The following CACNA1D variants were observed in gnomAD, a reference collection of about 807,000 sequenced individuals.
The protein encoded by CACNA1D is voltage-dependent L-type calcium channel subunit alpha-1D.
CACNA1D carries 55 observed loss-of-function variants against 257.1 expected under a neutral mutation model. The ratio of observed to expected loss-of-function variants is 0.21; its 90% CI spans 0.17 to 0.27. The LOEUF (loss-of-function observed/expected upper bound fraction) is 0.27. CACNA1D is among the 10% of genes least tolerant of loss of function. The probability of loss-of-function intolerance (pLI) is 1.00; values close to 1 mark genes in which losing one functional copy is unlikely to be tolerated. For synonymous variants in CACNA1D, 980 were observed against 1,014.9 expected (o/e 0.97, Z 0.65); for missense variants, 1,876 against 2,784.0 (o/e 0.67, Z 7.34).
At chr3:53,646,538 TAC>T (rs1255347214) in intron 3 of CACNA1D, among the ~76,000 whole-genome samples, 1 of 152,176 alleles carries the variant, frequency 6.6e-6, no homozygotes, top group Non-Finnish European at 1.5e-5. Flanking sequence ...TGTCTGATGC[TAC>T]AGTTAAAGAC....
chr3:53,564,761 G>A (rs1023144215), intron 3 of CACNA1D, among the ~76,000 whole-genome samples: 1 of 152,078 alleles, frequency 6.6e-6, no homozygotes, highest in Non-Finnish European at 1.5e-5. Context: ...CCATTTTATA[G>A]GTAAGGAAAC....
intron 3 of CACNA1D, among the ~76,000 whole-genome samples, chr3:53,540,711 C>T (rs569710709): frequency 1.2e-4 from 19 of 152,176 alleles, no homozygotes; most frequent in African/African-American, 4.3e-4. Flanking sequence ...ATATGCCAGT[C>T]GGCTTCATTC....
chr3:53,685,529 C>A (rs2094466545), intron 8 of CACNA1D, among the ~76,000 whole-genome samples: 1 of 152,112 alleles, frequency 6.6e-6, no homozygotes, highest in Non-Finnish European at 1.5e-5. Flanking sequence ...AATACACATT[C>A]TTTTCAGAGC....
At position 53,811,526 on chromosome 3, in the gene CACNA1D, CTT is replaced by C. The variant is rs147656442; in HGVS notation, c.*123_*124del. On this transcript the variant is annotated 3_prime_UTR_variant, in exon 48 of 48. Transcript: ENST00000350061. This position sits in a 1 kb window ranked among gnomAD's most constrained non-coding sequence, Gnocchi z 4.2. ...TGGGAGTAATATTCAATTAATTAGACTTTTGTATAAGAGATGTCATGCCTCAA... is the reference window on the plus strand; with the variant it reads ...TGGGAGTAATATTCAATTAATTAGACTTGTATAAGAGATGTCATGCCTCAA... The C allele has an allele frequency of 2.2e-3, 1,800 of 810,376 alleles. 28 individuals are homozygous for C. In the African/African-American group the frequency reaches 0.028, roughly 13 times the overall value. The allele number at this position is 810,376 out of a possible 1,614,324, so 50.2% of individuals were successfully genotyped here. A position where few individuals can be genotyped will look rare whatever the true frequency, so the allele number is the denominator to read the frequency against.
intron 3 of CACNA1D, among the ~76,000 whole-genome samples, chr3:53,617,242 C>A (rs2093647389): frequency 6.6e-6 from 1 of 152,214 alleles, no homozygotes; most frequent in Admixed American, 6.5e-5. Context: ...ACTGTGTGCT[C>A]TCCTCTCCAC....
chr3:53,718,352 G>A lies in CACNA1D; in HGVS notation c.1442G>A (p.Gly481Asp). The stretch of plus-strand genomic sequence containing the variant: ...TCTGTGAACACAGAGAACGTCAGCG[G>A]TGAAGGCGAGAACCGAGGCTGCTGT... ...TESVNTENVS[G>D]EGENRGCCGS... Residue 481 changes from glycine to aspartate, a missense_variant, in exon 10 of 48, where the codon GGT becomes GAT. Gly to Asp is a moderately conservative substitution (Grantham distance 94, BLOSUM62 -1). This residue lies in a region of CACNA1D where 257 missense variants were observed against 399.7 expected (regional missense o/e 0.64). Transcript: ENST00000350061. 1 of 1,614,234 alleles carries A rather than the reference G, an allele frequency of 6.2e-7. No individual in the cohort carries two copies. The highest frequency in any genetic ancestry group is 8.5e-7 in the Non-Finnish European group (1 of 1,180,032).
At chr3:53,567,191 A>T (rs1022285760) in intron 3 of CACNA1D, among the ~76,000 whole-genome samples, 2 of 152,202 alleles carry the variant, frequency 1.3e-5, no homozygotes, top group Non-Finnish European at 2.9e-5. Flanking sequence ...TGGTACCCCA[A>T]CTCAGCACAC....
intron 16 of CACNA1D, 37 bp from the exon 17 acceptor site, chr3:53,731,040 T>G: frequency 8.0e-7 from 1 of 1,247,112 alleles, no homozygotes; most frequent in Non-Finnish European, 1.2e-6. Context: ...AGTAACATGG[T>G]TATTTGGTTT....
In CACNA1D at chr3:53,580,403, G is replaced by A. The variant is rs1009461318; in HGVS notation, c.484-70376G>A. 3.3e-5 allele frequency among the ~76,000 whole-genome samples: 5 copies of A among 152,228 alleles called. No homozygotes were observed. In the South Asian group the frequency reaches 8.3e-4, roughly 25 times the overall value. On this transcript the variant is annotated intron_variant, in intron 3 of 47. Coordinates refer to ENST00000350061, the MANE Select transcript of CACNA1D (RefSeq NM_001128840.3). ...TGTGTCTTTTACAATGTTTAGCACA[G>A]CGAATAGAGAAAGTGCCTGGCAGAT...
intron 32 of CACNA1D, 84 bp from the exon 33 acceptor site, chr3:53,772,749 G>A: frequency 1.1e-6 from 1 of 927,070 alleles, no homozygotes; most frequent in Non-Finnish European, 1.8e-6. Context: ...GAAGCATGTG[G>A]CCACTCATGG....
At chr3:53,575,742 G>C (rs2093026540) in intron 3 of CACNA1D, among the ~76,000 whole-genome samples, 2 of 152,142 alleles carry the variant, frequency 1.3e-5, no homozygotes, top group South Asian at 4.1e-4. Flanking sequence ...TTTTCTACTA[G>C]TCGTGTCCGT....
At chr3:53,672,753 TGA>T (rs2094335028) in intron 7 of CACNA1D, among the ~76,000 whole-genome samples, 1 of 141,474 alleles carries the variant, frequency 7.1e-6, no homozygotes, top group Non-Finnish European at 1.5e-5. Flanking sequence ...AAAGCCTTGA[TGA>T]CTCTGTGTGT....
At chr3:53,778,299 G>A (rs1025641923) in intron 37 of CACNA1D, among the ~76,000 whole-genome samples, 5 of 152,064 alleles carry the variant, frequency 3.3e-5, no homozygotes, top group African/African-American at 1.2e-4. Context: ...TAAATTTCCA[G>A]ACCCTTTTAC....
In CACNA1D at chr3:53,801,394, C is replaced by T. The variant is rs555675934; in HGVS notation, c.5377C>T (p.Arg1793Trp). The change falls in exon 42 of 48, where the codon CGG becomes TGG. Residue 1793 changes from arginine (R) to tryptophan (W), a missense_variant. Physicochemically the swap from Arg to Trp is moderately radical, Grantham distance 101. Coordinates refer to ENST00000350061, the MANE Select transcript of CACNA1D (RefSeq NM_001128840.3). ...NGHHSSHKHDREPQRRSSVKR... is the reference protein window; with the variant it reads ...NGHHSSHKHDWEPQRRSSVKR... ...GCATCATTCTTCCCACAAGCATGAC[C>T]GGGAGCCTCAGAGAAGGTCCAGTGT... 20 of 1,614,126 alleles carry T rather than the reference C, an allele frequency of 1.2e-5. No homozygotes were observed. In the South Asian group the frequency reaches 1.4e-4, roughly 12 times the overall value.
chr3:53,780,488 C>G (rs767825423), intron 38 of CACNA1D, among the ~76,000 whole-genome samples: 4 of 152,202 alleles, frequency 2.6e-5, no homozygotes, highest in African/African-American at 9.6e-5. Context: ...AGGGATTTCA[C>G]TGGTCTGAGC....
Position 53,745,741 on chromosome 3 carries a change from C to T in CACNA1D, c.3114+10C>T, listed in dbSNP as rs2095162077. 6.2e-7 allele frequency: 1 copy of T among 1,605,368 alleles called. No homozygotes were observed. Among genetic ancestry groups the T allele is most frequent in the African/African-American group, 1.3e-5 (1 of 74,768 alleles). On this transcript the variant is annotated intron_variant, in intron 24 of 47. Transcript: ENST00000350061. Reference sequence around the variant, plus strand: ...GGTCCAGTTGTTCAAGGTAGAGGAACTGCCTCCAAGCATAAAACTCAGGTG... The same window carrying T: ...GGTCCAGTTGTTCAAGGTAGAGGAATTGCCTCCAAGCATAAAACTCAGGTG...
chr3:53,733,539 T>C (rs765705246), intron 19 of CACNA1D, among the ~76,000 whole-genome samples: 8 of 152,204 alleles, frequency 5.3e-5, no homozygotes, highest in Non-Finnish European at 1.0e-4. Context: ...GATAGTCTAC[T>C]TAAAATAGCA....
rs113265861 is a variant in CACNA1D, at chr3:53,558,706, A to G, written c.483+56986A>G. Among the ~76,000 whole-genome samples the G allele has an allele frequency of 4.0e-3, 607 of 152,202 alleles. 7 individuals are homozygous for G. The highest frequency in any genetic ancestry group is 0.014 in the African/African-American group (585 of 41,540). The stretch of plus-strand genomic sequence containing the variant: ...ATTGTTCCTCTTCTTTCTGACCTCC[A>G]TGGTTTCTTCTGAGAAATCTGTAAT... On this transcript the variant is annotated intron_variant, in intron 3 of 47. Transcript: ENST00000350061.
At chr3:53,696,608 T>C (rs1353352837) in intron 8 of CACNA1D, among the ~76,000 whole-genome samples, 1 of 152,138 alleles carries the variant, frequency 6.6e-6, no homozygotes, top group East Asian at 1.9e-4. Context: ...GCAGAATGCA[T>C]TTGGATGGGG....
Sources: allele counts gnomAD v4.1 joint callset (sites outside exome capture counted in the v4.1 genomes callset), GRCh38; gene constraint gnomAD v4.1.1; regional missense constraint gnomAD v4.1.1; non-coding constraint Gnocchi (gnomAD v3.1); transcripts MANE v1.5; gene names NCBI Gene and HGNC (gene_info 2026-07-23, HGNC 2026-07-21).